The following SUCLG2 variants were observed in gnomAD, a reference collection of about 807,000 sequenced individuals.
The protein encoded by SUCLG2 is succinate-CoA ligase GDP-forming subunit beta.
A neutral mutation model predicts 47.9 loss-of-function variants in SUCLG2; 42 were observed. The observed-to-expected ratio is 0.88, with a 90% confidence interval of 0.69 to 1.14. The LOEUF (loss-of-function observed/expected upper bound fraction) is 1.14, where lower values mean the gene tolerates loss of function less well. Ranked by LOEUF, SUCLG2 falls within the 50% of genes most tolerant of loss-of-function variation. The pLI, the probability that SUCLG2 is intolerant of heterozygous loss-of-function variation, is 0.00. For missense variants in SUCLG2, 571 were observed against 525.9 expected (o/e 1.09, Z -0.84); for synonymous variants, 195 against 197.3 (o/e 0.99, Z 0.10).
intron 4 of SUCLG2, among the ~76,000 whole-genome samples, chr3:67,527,697 G>A (rs769342650): frequency 2.0e-5 from 3 of 152,104 alleles, no homozygotes; most frequent in Non-Finnish European, 2.9e-5. Flanking sequence ...CAAAATTACA[G>A]TCATCCTAAA....
chr3:67,487,519 A>ACACACAC lies in SUCLG2; in HGVS notation c.1062+8278_1062+8279insGTGTGTG, dbSNP rs1412826836. ...ACATATACACACACACACACACACA[A>ACACACAC]ACACACACACAGAGTCCTGTGTTCT... On this transcript the variant is annotated intron_variant, in intron 9 of 10. Transcript: ENST00000307227. Among the ~76,000 whole-genome samples, 3 of 58,432 alleles carry ACACACAC rather than the reference A, an allele frequency of 5.1e-5. No individual in the cohort carries two copies. The South Asian group carries it at 1.7e-3, about 33-fold the overall frequency. 38.3% of individuals were successfully genotyped at this position (58,432 alleles called of 152,430 possible).
intron 1 of SUCLG2, among the ~76,000 whole-genome samples, chr3:67,654,302 G>C (rs1249347953): frequency 1.3e-5 from 2 of 152,202 alleles, no homozygotes; most frequent in Non-Finnish European, 2.9e-5. Flanking sequence ...GGCACCCGGG[G>C]CTGCCGCCGC....
intron 2 of SUCLG2, among the ~76,000 whole-genome samples, chr3:67,536,592 C>T (rs754771199): frequency 1.1e-4 from 16 of 152,230 alleles, no homozygotes; most frequent in Non-Finnish European, 1.6e-4. Flanking sequence ...GTCTTCTTCT[C>T]ATTTAGACAC....
At chr3:67,494,865 T>C (rs1705290247) in intron 9 of SUCLG2, among the ~76,000 whole-genome samples, 1 of 152,192 alleles carries the variant, frequency 6.6e-6, no homozygotes, top group Non-Finnish European at 1.5e-5. Flanking sequence ...TGATTAAATA[T>C]TAATTGAATG....
intron 1 of SUCLG2, among the ~76,000 whole-genome samples, chr3:67,629,179 G>A (rs780408307): frequency 6.6e-6 from 1 of 152,212 alleles, no homozygotes; most frequent in Non-Finnish European, 1.5e-5. Context: ...CACCAAATAT[G>A]TGTTATTTCC....
intron 9 of SUCLG2, among the ~76,000 whole-genome samples, chr3:67,401,693 G>A (rs12485670): frequency 0.32 from 47,937 of 151,574 alleles, 8,205 homozygotes; most frequent in African/African-American, 0.44. Context: ...TAGATTAATT[G>A]ATAACACCCA....
chr3:67,387,072 T>G (rs1702275650), intron 10 of SUCLG2, among the ~76,000 whole-genome samples: 1 of 152,144 alleles, frequency 6.6e-6, no homozygotes, highest in African/African-American at 2.4e-5. Flanking sequence ...CTGCACAATA[T>G]GGACTTAATA....
chr3:67,511,848 T>TG (rs1342549171), intron 6 of SUCLG2, among the ~76,000 whole-genome samples: 1 of 150,830 alleles, frequency 6.6e-6, no homozygotes, highest in African/African-American at 2.5e-5. Flanking sequence ...TGTGCGTGTG[T>TG]GGGGGGGTGT....
rs149055204 is a variant in SUCLG2, at chr3:67,646,312, T to C, written c.84+8191A>G. ...ACCAGACAATATCGAAACAATAAAG[T>C]TTGGCCGGGCACGGTGGCTCACGCC... On this transcript the variant is annotated intron_variant, in intron 1 of 10. Coordinates refer to ENST00000307227, the MANE Select transcript of SUCLG2 (RefSeq NM_003848.4). Among the ~76,000 whole-genome samples, 788 of 152,108 alleles carry C rather than the reference T, an allele frequency of 5.2e-3. 11 individuals are homozygous for C. In the East Asian group the frequency reaches 0.052, roughly 10 times the overall value.
intron 9 of SUCLG2, among the ~76,000 whole-genome samples, chr3:67,429,292 A>T (rs1217171126): frequency 6.6e-6 from 1 of 152,216 alleles, no homozygotes; most frequent in East Asian, 1.9e-4. Context: ...GTGGGGGCCA[A>T]TATTCAACAT....
intron 10 of SUCLG2, among the ~76,000 whole-genome samples, chr3:67,377,807 C>T (rs1011925575): frequency 6.6e-6 from 1 of 152,154 alleles, no homozygotes; most frequent in African/African-American, 2.4e-5. Flanking sequence ...GCACACATCA[C>T]CACGCCCAGC....
At chr3:67,653,307 T>C (rs1407596754) in intron 1 of SUCLG2, among the ~76,000 whole-genome samples, 1 of 152,220 alleles carries the variant, frequency 6.6e-6, no homozygotes, top group African/African-American at 2.4e-5. Flanking sequence ...TAGTGAGTTT[T>C]AATTAGACAA....
downstream of SUCLG2, among the ~76,000 whole-genome samples, chr3:67,373,858 G>A (rs986534316): frequency 6.6e-6 from 1 of 152,136 alleles, no homozygotes; most frequent in Non-Finnish European, 1.5e-5. Context: ...GCCTGCCTGA[G>A]AATAAAACAA....
intron 6 of SUCLG2, among the ~76,000 whole-genome samples, chr3:67,510,572 A>G (rs1705759503): frequency 6.6e-6 from 1 of 152,214 alleles, no homozygotes. Context: ...ATCTGTCTTA[A>G]AAAAGCAAAC....
In SUCLG2 at chr3:67,377,175, A is replaced by T. The variant is rs60606325; in HGVS notation, c.1184-1316T>A. Among the ~76,000 whole-genome samples the T allele has an allele frequency of 5.9e-5, 9 of 152,360 alleles. No homozygotes were observed. In the East Asian group the frequency reaches 1.5e-3, roughly 26 times the overall value. ...GGCAACTGAGGCACAGAGAAGTTAA[A>T]TAACTTTTCCATGGTCACAGAGGCG... On this transcript the variant is annotated intron_variant, in intron 10 of 10. Coordinates refer to ENST00000307227, the MANE Select transcript of SUCLG2 (RefSeq NM_003848.4).
At chr3:67,408,920 C>T (rs541066102) in intron 9 of SUCLG2, 12 of 1,526,108 alleles carry the variant, frequency 7.9e-6, no homozygotes, top group Non-Finnish European at 9.6e-6. Flanking sequence ...ATCAGAGACT[C>T]CCAAGATGAG....
At chr3:67,610,664 CTGGTAGTACA>C (rs766623531) in intron 1 of SUCLG2, among the ~76,000 whole-genome samples, 4 of 152,154 alleles carry the variant, frequency 2.6e-5, no homozygotes, top group Non-Finnish European at 5.9e-5. Flanking sequence ...GATCACAAGA[CTGGTAGTACA>C]TGGACATCAT....
chr3:67,646,023 T>G (rs2362455), intron 1 of SUCLG2, among the ~76,000 whole-genome samples: 1 of 149,660 alleles, frequency 6.7e-6, no homozygotes, highest in Non-Finnish European at 1.5e-5. Context: ...TCCCTACTTC[T>G]ATTCAATGCT....
intron 10 of SUCLG2, among the ~76,000 whole-genome samples, chr3:67,378,373 A>T (rs1256703587): frequency 6.6e-6 from 1 of 151,794 alleles, no homozygotes; most frequent in Admixed American, 6.6e-5. Flanking sequence ...CTCTTTTTTC[A>T]CTCTGATGAA....
Sources: gnomAD v4.1 joint callset for allele counts (sites outside exome capture counted in the v4.1 genomes callset) on GRCh38, gnomAD v4.1.1 for gene constraint, MANE v1.5 for transcripts, NCBI Gene and HGNC (gene_info 2026-07-23, HGNC 2026-07-21) for gene names.